ABTB2: variants seen among roughly 807,000 people sequenced by gnomAD.
ABTB2 encodes ankyrin repeat and BTB domain containing 2, also known as ankyrin repeat and BTB/POZ domain-containing protein 2.
A neutral mutation model predicts 104.1 loss-of-function variants in ABTB2; 56 were observed. That is an observed-to-expected ratio of 0.54 (90% confidence interval 0.43 to 0.67). The LOEUF is 0.67. Among genes scored for constraint, ABTB2 ranks in the 30% least tolerant of loss-of-function variants. The pLI, the probability that ABTB2 is intolerant of heterozygous loss-of-function variation, is 0.00. For missense variants in ABTB2, 1,279 were observed against 1,407.7 expected, an observed-to-expected ratio of 0.91 and a Z score of 1.46; for synonymous variants, 606 against 608.2, an observed-to-expected ratio of 1.00 and a Z score of 0.05.
intron 1 of ABTB2, among the ~76,000 whole-genome samples, chr11:34,281,947 G>A (rs1274463096): frequency 6.6e-6 from 1 of 152,182 alleles, no homozygotes; most frequent in African/African-American, 2.4e-5. Context: ...CTAGTAATAG[G>A]CGATGGATTA....
Position 34,357,430 on chromosome 11 carries a change from C to G in ABTB2, c.154G>C (p.Ala52Pro). 3.2e-6 allele frequency: 5 copies of G among 1,548,960 alleles called. No homozygotes were observed. The highest frequency in any genetic ancestry group is 4.4e-6 in the Non-Finnish European group (5 of 1,146,740). Residue 52 changes from alanine (A) to proline (P), a missense_variant, in exon 1 of 17, where the codon GCG becomes CCG. Coordinates refer to ENST00000435224, the MANE Select transcript of ABTB2 (RefSeq NM_145804.3). ...GAGCCGGAGTAGCACCACCAGGCCGCCCCGCGGTGCTGCTGCGCCGAAGAG... is the reference window on the plus strand; with the variant it reads ...GAGCCGGAGTAGCACCACCAGGCCGGCCCGCGGTGCTGCTGCGCCGAAGAG... ...LNSSAQQHRGAAWWCYSGSMN... is the reference protein window; with the variant it reads ...LNSSAQQHRGPAWWCYSGSMN...
intron 1 of ABTB2, among the ~76,000 whole-genome samples, chr11:34,288,569 G>A (rs764205404): frequency 2.6e-5 from 4 of 152,040 alleles, no homozygotes; most frequent in Non-Finnish European, 4.4e-5. Context: ...AACAGACAGA[G>A]TGTGATTCTT....
chr11:34,266,408 G>A (rs1015255268), intron 1 of ABTB2, among the ~76,000 whole-genome samples: 9 of 152,278 alleles, frequency 5.9e-5, no homozygotes, highest in African/African-American at 2.2e-4. Context: ...CTCTAAAGAA[G>A]TCACATCCCT....
intron 1 of ABTB2, among the ~76,000 whole-genome samples, chr11:34,233,183 A>G (rs114311812): frequency 0.013 from 1,915 of 151,426 alleles, 39 homozygotes; most frequent in African/African-American, 0.044. Flanking sequence ...TGAGGACACA[A>G]TTAGGACACC....
intron 3 of ABTB2, among the ~76,000 whole-genome samples, chr11:34,185,306 G>A (rs1853083362): frequency 6.6e-6 from 1 of 152,234 alleles, no homozygotes; most frequent in African/African-American, 2.4e-5. Context: ...GGTCATGGAG[G>A]GGTGGTACAC....
chr11:34,349,189 G>A (rs542168353), intron 1 of ABTB2, among the ~76,000 whole-genome samples: 2 of 152,334 alleles, frequency 1.3e-5, no homozygotes, highest in South Asian at 2.1e-4. Context: ...ATCTGTGGCT[G>A]AGGATTTGGC....
At chr11:34,290,758 T>C (rs1223660816) in intron 1 of ABTB2, among the ~76,000 whole-genome samples, 1 of 152,190 alleles carries the variant, frequency 6.6e-6, no homozygotes, top group African/African-American at 2.4e-5. Flanking sequence ...AAGAAGAGTG[T>C]GTGCTGCAGA....
At chr11:34,331,696 C>G (rs1467543226) in intron 1 of ABTB2, among the ~76,000 whole-genome samples, 3 of 152,206 alleles carry the variant, frequency 2.0e-5, no homozygotes, top group Non-Finnish European at 4.4e-5. Flanking sequence ...ATCTTCCCAT[C>G]CAGCCTCTTT....
chr11:34,295,333 C>G (rs1231869023), intron 1 of ABTB2, among the ~76,000 whole-genome samples: 1 of 152,126 alleles, frequency 6.6e-6, no homozygotes, highest in Non-Finnish European at 1.5e-5. Context: ...GGGTTGGCCA[C>G]AGGCAGGAGG....
chr11:34,347,163 T>A (rs1371593850), intron 1 of ABTB2, among the ~76,000 whole-genome samples: 2 of 152,188 alleles, frequency 1.3e-5, no homozygotes, highest in Non-Finnish European at 1.5e-5. Context: ...GGGCCGGGCA[T>A]GGTGGCTCAT....
chr11:34,194,365 C>T (rs1296546550), intron 3 of ABTB2, among the ~76,000 whole-genome samples: 4 of 152,206 alleles, frequency 2.6e-5, no homozygotes, highest in South Asian at 2.1e-4. Flanking sequence ...GAACTCAGTC[C>T]GCCATGCTTC....
chr11:34,174,599 G>A (rs1852937334), intron 3 of ABTB2, among the ~76,000 whole-genome samples: 1 of 152,214 alleles, frequency 6.6e-6, no homozygotes, highest in Admixed American at 6.5e-5. Context: ...ATTCAGCTGG[G>A]GGGCGGGGAC....
At chr11:34,197,261 C>A (rs1348460534) in intron 3 of ABTB2, 64 bp downstream of exon 3, 1 of 1,545,542 alleles carries the variant, frequency 6.5e-7, no homozygotes, top group Non-Finnish European at 8.9e-7. Flanking sequence ...CAGTGTCAGT[C>A]AGTCGGTCAA....
intron 3 of ABTB2, among the ~76,000 whole-genome samples, chr11:34,174,584 C>T (rs1415536981): frequency 1.3e-5 from 2 of 152,214 alleles, no homozygotes; most frequent in African/African-American, 4.8e-5. Context: ...CGGCGAGCGG[C>T]TCAGATTCAG....
At chr11:34,222,792 G>A (rs1853640436) in intron 1 of ABTB2, among the ~76,000 whole-genome samples, 1 of 152,194 alleles carries the variant, frequency 6.6e-6, no homozygotes, top group Non-Finnish European at 1.5e-5. Flanking sequence ...AGGAGTCCTT[G>A]CCTCCCTATG....
In ABTB2 at chr11:34,160,237, C is replaced by T. The variant is rs536369887; in HGVS notation, c.2503+11G>A. ...GTGTGGTGATGCAGGGCGCAGGGGG[C>T]GCGCCTTCACCTAGCCTGGCCGGCA... On this transcript the variant is annotated intron_variant, in intron 12 of 16. Coordinates refer to ENST00000435224, the MANE Select transcript of ABTB2 (RefSeq NM_145804.3). The T allele has an allele frequency of 1.4e-5, 22 of 1,601,140 alleles. No homozygotes were observed. Among genetic ancestry groups the T allele is most frequent in the Admixed American group, 1.0e-4 (6 of 60,000 alleles).
At chr11:34,310,174 G>C (rs745842697) in intron 1 of ABTB2, among the ~76,000 whole-genome samples, 1 of 152,082 alleles carries the variant, frequency 6.6e-6, no homozygotes, top group Non-Finnish European at 1.5e-5. Context: ...GGAAGGGCTC[G>C]AGAAGTAATC....
At chr11:34,163,345 T>C (rs1852750591) in intron 9 of ABTB2, among the ~76,000 whole-genome samples, 1 of 152,176 alleles carries the variant, frequency 6.6e-6, no homozygotes, top group Admixed American at 6.5e-5. Flanking sequence ...AAGACGGATG[T>C]CATGTAGAAT....
intron 3 of ABTB2, among the ~76,000 whole-genome samples, chr11:34,178,930 G>C (rs1852989488): frequency 6.6e-6 from 1 of 152,036 alleles, no homozygotes; most frequent in African/African-American, 2.4e-5. Context: ...ACAAAAATTA[G>C]CAGGGTGTGG....
Sources: allele counts gnomAD v4.1 joint callset (sites outside exome capture counted in the v4.1 genomes callset), GRCh38; gene constraint gnomAD v4.1.1; transcripts MANE v1.5; gene names NCBI Gene and HGNC (gene_info 2026-07-23, HGNC 2026-07-21).